Variants in UVRAG observed in about 807,000 individuals in gnomAD.
UVRAG encodes the protein UV radiation resistance-associated gene protein.
Under a neutral mutation model 78.0 loss-of-function variants are expected in UVRAG, and 19 were observed. The observed-to-expected ratio is 0.24, with a 90% CI of 0.17 to 0.36. The LOEUF (loss-of-function observed/expected upper bound fraction) is 0.36. Ranked by LOEUF, UVRAG falls within the 10% of genes least tolerant of loss-of-function variation. The pLI, the probability that UVRAG is intolerant of heterozygous loss-of-function variation, is 1.00. For missense variants in UVRAG, 740 were observed against 853.8 expected (o/e 0.87, Z 1.66); for synonymous variants, 323 against 324.6 (o/e 1.00, Z 0.05).
At chr11:76,114,001 T>C (rs1952131069) in intron 13 of UVRAG, among the ~76,000 whole-genome samples, 1 of 152,166 alleles carries the variant, frequency 6.6e-6, no homozygotes. Flanking sequence ...CCATCTTCCG[T>C]TGTGGAACCT....
rs531164728 is a variant in UVRAG, at chr11:75,988,916, G to A, written c.826+5403G>A. ...TCTGTTTTTTGGAAAGTGGGGAAGG[G>A]GGATGGATGGTAACGTTATTATTAA... is the stretch of plus-strand genomic sequence containing the variant. On this transcript the variant is annotated intron_variant, in intron 8 of 14. Transcript: ENST00000356136. 1.1e-4 allele frequency among the ~76,000 whole-genome samples: 16 copies of A among 152,198 alleles called. No homozygotes were observed. The South Asian group carries it at 2.3e-3, about 22-fold the overall frequency.
intron 5 of UVRAG, among the ~76,000 whole-genome samples, chr11:75,898,825 G>T (rs1947415747): frequency 6.6e-6 from 1 of 152,108 alleles, no homozygotes; most frequent in Non-Finnish European, 1.5e-5. Flanking sequence ...AGATTTCCAT[G>T]TAGTTAACTT....
chr11:75,882,969 C>T (rs1946984358), intron 4 of UVRAG, among the ~76,000 whole-genome samples: 1 of 151,522 alleles, frequency 6.6e-6, no homozygotes, highest in Non-Finnish European at 1.5e-5. Context: ...TGGTTTAGGC[C>T]AGGGCCTTTG....
At chr11:76,136,509 C>CTTT (rs200388478) in intron 14 of UVRAG, among the ~76,000 whole-genome samples, 13 of 136,104 alleles carry the variant, frequency 9.6e-5, no homozygotes, top group Admixed American at 6.6e-4. Flanking sequence ...TTCTTGTTTC[C>CTTT]TTTTTTTTTT....
intron 13 of UVRAG, among the ~76,000 whole-genome samples, chr11:76,103,285 G>A (rs1161796614): frequency 6.6e-6 from 1 of 151,966 alleles, no homozygotes; most frequent in Non-Finnish European, 1.5e-5. Flanking sequence ...GGTCATGGGG[G>A]CCATCTTAAA....
At chr11:75,974,612 C>T (rs1326782059) in intron 7 of UVRAG, among the ~76,000 whole-genome samples, 30 of 151,650 alleles carry the variant, frequency 2.0e-4, no homozygotes, top group African/African-American at 5.1e-4. Flanking sequence ...ACGATCCACC[C>T]GCCTCGGCCT....
chr11:75,951,475 C>T (rs1259776751), intron 6 of UVRAG, among the ~76,000 whole-genome samples: 5 of 152,008 alleles, frequency 3.3e-5, no homozygotes, highest in Admixed American at 6.6e-5. Context: ...CTCTGCCTCC[C>T]AGGTTCAAGC....
At chr11:75,854,977 G>A (rs1398217053) in intron 2 of UVRAG, among the ~76,000 whole-genome samples, 1 of 152,114 alleles carries the variant, frequency 6.6e-6, no homozygotes, top group African/African-American at 2.4e-5. Context: ...TTGCCCCAGT[G>A]TTACCTCTGA....
rs140146579 is a variant in UVRAG at position 76,133,208 on chromosome 11, A to G, written c.1398-7503A>G. 2.2e-3 allele frequency among the ~76,000 whole-genome samples: 339 copies of G among 152,280 alleles called. 3 individuals carry two copies. The highest frequency in any genetic ancestry group is 7.6e-3 in the African/African-American group (314 of 41,564). The stretch of plus-strand genomic sequence containing the variant: ...ATTGTACTAGGAATTTTACTTGTAT[A>G]TCTCATTTAATCCTTACTGCAGTAA... On this transcript the variant is annotated intron_variant, in intron 14 of 14. Transcript: ENST00000356136.
At chr11:76,129,390 C>T (rs1952472806) in intron 14 of UVRAG, among the ~76,000 whole-genome samples, 1 of 152,158 alleles carries the variant, frequency 6.6e-6, no homozygotes, top group African/African-American at 2.4e-5. Context: ...TCGGAGGGTC[C>T]TCTTCCTCTA....
chr11:76,114,690 C>CT (rs144719686), intron 13 of UVRAG, among the ~76,000 whole-genome samples: 1,761 of 152,270 alleles, frequency 0.012, 33 homozygotes, highest in African/African-American at 0.04. Flanking sequence ...AGAGTGAACT[C>CT]TTTCTCTAAG....
chr11:75,914,568 A>C (rs1264503215), intron 6 of UVRAG: 1 of 152,126 alleles, frequency 6.6e-6, no homozygotes, highest in Admixed American at 6.6e-5. Flanking sequence ...ACCTTGGCTC[A>C]CTTCTGCCTT....
In UVRAG at chr11:76,038,161, A is replaced by G. The variant is rs1212272568; in HGVS notation, c.1226+21181A>G. On this transcript the variant is annotated intron_variant, in intron 12 of 14. Coordinates refer to ENST00000356136, the MANE Select transcript of UVRAG (RefSeq NM_003369.4). Reference sequence around the variant, plus strand: ...TCACATTGCTGTTAAGCTTTCATACAGTAAGAAATAAGACCAAGCTATGCT... The same window carrying G: ...TCACATTGCTGTTAAGCTTTCATACGGTAAGAAATAAGACCAAGCTATGCT... Among the ~76,000 whole-genome samples, 5 of 152,350 alleles carry G rather than the reference A, an allele frequency of 3.3e-5. No individual in the cohort carries two copies. The East Asian group carries it at 9.6e-4, about 29-fold the overall frequency.
chr11:75,948,591 A>T (rs774804502), intron 6 of UVRAG, among the ~76,000 whole-genome samples: 1 of 152,222 alleles, frequency 6.6e-6, no homozygotes, highest in Non-Finnish European at 1.5e-5. Flanking sequence ...ATTTGAATAG[A>T]ATTCTTTAAA....
intron 13 of UVRAG, among the ~76,000 whole-genome samples, chr11:76,113,239 A>T (rs1482057487): frequency 6.6e-6 from 1 of 152,242 alleles, no homozygotes; most frequent in East Asian, 1.9e-4. Context: ...TGTATTGAGA[A>T]GATGAGGAAG....
intron 11 of UVRAG, among the ~76,000 whole-genome samples, chr11:76,010,803 G>C (rs1950036357): frequency 6.6e-6 from 1 of 152,288 alleles, no homozygotes; most frequent in Admixed American, 6.5e-5. Context: ...TGCAGCTGGA[G>C]CATAGTGAGC....
intron 4 of UVRAG, among the ~76,000 whole-genome samples, chr11:75,888,230 C>G (rs537784995): frequency 1.3e-5 from 2 of 152,108 alleles, no homozygotes; most frequent in Admixed American, 6.5e-5. Context: ...ACCACTCAGG[C>G]TCCGGCAGTC....
intron 3 of UVRAG, among the ~76,000 whole-genome samples, chr11:75,872,539 C>T (rs1946676956): frequency 6.6e-6 from 1 of 152,062 alleles, no homozygotes; most frequent in South Asian, 2.1e-4. Context: ...AGGCGCGCCC[C>T]ACCACGCCCG....
At chr11:76,101,503 C>A (rs1451061914) in intron 13 of UVRAG, among the ~76,000 whole-genome samples, 1 of 150,858 alleles carries the variant, frequency 6.6e-6, no homozygotes, top group African/African-American at 2.4e-5. Flanking sequence ...GCATACTTTG[C>A]AAATATTTTC....
Sources: allele counts gnomAD v4.1 joint callset (sites outside exome capture counted in the v4.1 genomes callset), GRCh38; gene constraint gnomAD v4.1.1; transcripts MANE v1.5; gene names NCBI Gene and HGNC (gene_info 2026-07-23, HGNC 2026-07-21).